Variants in APP observed in about 807,000 individuals in gnomAD.
The protein encoded by APP is amyloid beta precursor protein, also known as amyloid-beta precursor protein.
Under a neutral mutation model 101.4 loss-of-function variants are expected in APP, and 31 were observed. The observed-to-expected ratio is 0.31, with a 90% CI of 0.23 to 0.41. The LOEUF (loss-of-function observed/expected upper bound fraction) is 0.41, where lower values mean the gene tolerates loss of function less well. Ranked by LOEUF, APP falls within the 10% of genes least tolerant of loss-of-function variation. APP has a pLI of 1.00. For synonymous variants in APP, 366 were observed against 364.4 expected (o/e 1.00, Z -0.05); for missense variants, 839 against 1,003.7 (o/e 0.84, Z 2.22).
intron 1 of APP, among the ~76,000 whole-genome samples, chr21:26,150,741 A>T (rs1296155056): frequency 1.3e-5 from 2 of 152,228 alleles, no homozygotes; most frequent in African/African-American, 4.8e-5. Flanking sequence ...TGCTTGGCAT[A>T]GTGTTGGTGT....
At chr21:25,945,776 C>G in intron 13 of APP, 1 of 405,866 alleles carries the variant, frequency 2.5e-6, no homozygotes, top group Non-Finnish European at 5.0e-6. Flanking sequence ...CAGCCTCAGC[C>G]ACCCCAGGCT....
chr21:25,976,525 A>G (rs1020865301), intron 9 of APP, among the ~76,000 whole-genome samples: 10 of 152,232 alleles, frequency 6.6e-5, no homozygotes, highest in Non-Finnish European at 1.2e-4. Context: ...GGGGGAAGAA[A>G]AAGAAGACTT....
intron 6 of APP, among the ~76,000 whole-genome samples, chr21:26,020,767 G>C (rs1053362915): frequency 6.6e-6 from 1 of 152,088 alleles, no homozygotes; most frequent in African/African-American, 2.4e-5. Flanking sequence ...ACTCTTTAAG[G>C]AACTCAATCC....
chr21:26,080,491 G>C (rs1434110027), intron 3 of APP, among the ~76,000 whole-genome samples: 1 of 151,808 alleles, frequency 6.6e-6, no homozygotes, highest in African/African-American at 2.4e-5. Flanking sequence ...CTTTCCGCCG[G>C]GTTGTGGTGG....
chr21:26,010,841 A>T (rs1197791033), intron 6 of APP, among the ~76,000 whole-genome samples: 1 of 148,286 alleles, frequency 6.7e-6, no homozygotes, highest in East Asian at 2.0e-4. Context: ...AAAAAAAAAA[A>T]AGCAAAAAAC....
intron 4 of APP, among the ~76,000 whole-genome samples, chr21:26,052,350 A>C (rs888254355): frequency 2.6e-5 from 4 of 152,210 alleles, no homozygotes; most frequent in African/African-American, 9.7e-5. Context: ...ATAACAAAAA[A>C]TGTCTCCAGA....
intron 5 of APP, among the ~76,000 whole-genome samples, chr21:26,037,202 A>G (rs1361694803): frequency 2.0e-5 from 3 of 152,178 alleles, no homozygotes; most frequent in East Asian, 3.9e-4. Context: ...ACAGAGGATG[A>G]TGGAGGCTGG....
intron 1 of APP, among the ~76,000 whole-genome samples, chr21:26,115,854 G>T (rs1318402213): frequency 6.6e-6 from 1 of 152,028 alleles, no homozygotes; most frequent in Admixed American, 6.6e-5. Context: ...TAAAAGAAAA[G>T]AAATATAAAT....
chr21:25,928,231 A>T (rs1454450200), intron 13 of APP, among the ~76,000 whole-genome samples: 2 of 152,034 alleles, frequency 1.3e-5, no homozygotes, highest in Non-Finnish European at 2.9e-5. Context: ...AGTCCCAGCT[A>T]CTCAGGAGGC....
intron 5 of APP, among the ~76,000 whole-genome samples, chr21:26,028,972 T>G (rs2044701951): frequency 6.6e-6 from 1 of 152,072 alleles, no homozygotes; most frequent in African/African-American, 2.4e-5. Flanking sequence ...AAGAGCCATG[T>G]GAACTAAAAA....
At chr21:25,885,269 C>A (rs529569067) in intron 17 of APP, among the ~76,000 whole-genome samples, 1 of 152,374 alleles carries the variant, frequency 6.6e-6, no homozygotes, top group South Asian at 2.1e-4. Context: ...TCCTCTCCAG[C>A]AGGCTCACCA....
chr21:26,146,791 G>T (rs2063164184), intron 1 of APP, among the ~76,000 whole-genome samples: 1 of 152,088 alleles, frequency 6.6e-6, no homozygotes, highest in Admixed American at 6.5e-5. Context: ...ATTTCTTACT[G>T]ATTTGTAAGA....
chr21:26,051,644 ACT>A (rs1358197987), intron 4 of APP, among the ~76,000 whole-genome samples: 1 of 152,046 alleles, frequency 6.6e-6, no homozygotes, highest in African/African-American at 2.4e-5. Context: ...AGAAATTCTG[ACT>A]CTCTTGGTTC....
intron 1 of APP, among the ~76,000 whole-genome samples, chr21:26,114,461 A>G (rs2062393677): frequency 1.3e-5 from 2 of 152,102 alleles, no homozygotes; most frequent in African/African-American, 4.8e-5. Flanking sequence ...AGATGCTGCA[A>G]CTCTTTTAAA....
At chr21:26,010,695 C>T (rs2043755806) in intron 6 of APP, among the ~76,000 whole-genome samples, 2 of 151,524 alleles carry the variant, frequency 1.3e-5, no homozygotes, top group South Asian at 4.2e-4. Context: ...GTGGCAGGTG[C>T]CTGTAATCCC....
At chr21:26,063,030 T>C (rs907589050) in intron 3 of APP, among the ~76,000 whole-genome samples, 2 of 152,138 alleles carry the variant, frequency 1.3e-5, no homozygotes, top group Non-Finnish European at 2.9e-5. Context: ...TCCCAAAGTA[T>C]TGGGATTACA....
chr21:25,890,722 CAAAA>C (rs10686276), intron 17 of APP, among the ~76,000 whole-genome samples: 1 of 114,728 alleles, frequency 8.7e-6, no homozygotes, highest in Non-Finnish European at 1.7e-5. Context: ...GAGACTGTCT[CAAAA>C]AAAAAAAAAA....
At chr21:25,978,598 GT>G (rs2042310050) in intron 9 of APP, among the ~76,000 whole-genome samples, 1 of 152,162 alleles carries the variant, frequency 6.6e-6, no homozygotes, top group Non-Finnish European at 1.5e-5. Context: ...GGTGAGCTAA[GT>G]TTATTTATAT....
chr21:26,080,174 A>G (rs964876623), intron 3 of APP, among the ~76,000 whole-genome samples: 3 of 152,172 alleles, frequency 2.0e-5, no homozygotes, highest in African/African-American at 7.2e-5. Flanking sequence ...TTAACACAAA[A>G]TATGTTTAGC....
Sources: allele counts gnomAD v4.1 joint callset (sites outside exome capture counted in the v4.1 genomes callset), GRCh38; gene constraint gnomAD v4.1.1; transcripts MANE v1.5; gene names NCBI Gene and HGNC (gene_info 2026-07-23, HGNC 2026-07-21).